OPCML: variants seen among roughly 807,000 people sequenced by gnomAD.
The protein encoded by OPCML is opioid binding protein/cell adhesion molecule like.
Under a neutral mutation model 37.8 loss-of-function variants are expected in OPCML, and 13 were observed. The ratio of observed to expected loss-of-function variants is 0.34; its 90% CI spans 0.22 to 0.55. The LOEUF is 0.55. Among genes scored for constraint, OPCML ranks in the 20% least tolerant of loss-of-function variants. The probability of loss-of-function intolerance (pLI) is 0.91; values close to 1 mark genes in which losing one functional copy is unlikely to be tolerated. For synonymous variants in OPCML, 176 were observed against 168.8 expected (o/e 1.04, Z -0.33); for missense variants, 341 against 435.6 (o/e 0.78, Z 1.93).
At chr11:132,681,426 C>T (rs1489863746) in intron 2 of OPCML, among the ~76,000 whole-genome samples, 1 of 152,120 alleles carries the variant, frequency 6.6e-6, no homozygotes, top group Non-Finnish European at 1.5e-5. Context: ...AGAGAAGCAG[C>T]TTGGCTTCAT....
At chr11:133,471,430 GAGAC>G (rs1319204094) in intron 1 of OPCML, among the ~76,000 whole-genome samples, 6 of 152,188 alleles carry the variant, frequency 3.9e-5, no homozygotes, top group Admixed American at 2.0e-4. Context: ...GTAAGAGGAA[GAGAC>G]AGACAGAGAG....
rs538302791 is a variant in OPCML at position 132,538,877 on chromosome 11, G to T, written c.380-9691C>A. 2.3e-4 allele frequency among the ~76,000 whole-genome samples: 35 copies of T among 152,060 alleles called. No individual in the cohort carries two copies. In the South Asian group the frequency reaches 7.3e-3, roughly 32 times the overall value. On this transcript the variant is annotated intron_variant, in intron 3 of 7. Coordinates refer to ENST00000524381, the MANE Select transcript of OPCML (RefSeq NM_001012393.5). Reference sequence around the variant, plus strand: ...CACTTTTGCATGTGCTGTTCCTTCTGCCCATGTGCCATATTCCCCATTCAT... The same window carrying T: ...CACTTTTGCATGTGCTGTTCCTTCTTCCCATGTGCCATATTCCCCATTCAT...
intron 4 of OPCML, among the ~76,000 whole-genome samples, chr11:132,469,676 G>A (rs1308824956): frequency 3.7e-5 from 5 of 135,842 alleles, no homozygotes; most frequent in African/African-American, 1.5e-4. Flanking sequence ...GTATGTGTGT[G>A]TATATGTGTG....
In OPCML at chr11:133,000,853, G is replaced by A. The variant is rs569190052; in HGVS notation, c.62-57843C>T. 8.5e-5 allele frequency among the ~76,000 whole-genome samples: 13 copies of A among 152,300 alleles called. 1 individual carries two copies. In the Middle Eastern group the frequency reaches 0.01, roughly 120 times the overall value. On this transcript the variant is annotated intron_variant, in intron 1 of 7. Transcript: ENST00000524381. The stretch of plus-strand genomic sequence containing the variant: ...TGTCTCATGGGGGCGAGTTCTTCAC[G>A]AATGATCTGGTGCCATCCTCACAGT...
intron 1 of OPCML, among the ~76,000 whole-genome samples, chr11:133,229,709 C>T (rs192587397): frequency 3.0e-4 from 45 of 152,290 alleles, no homozygotes; most frequent in Admixed American, 2.9e-3. Flanking sequence ...CCGTTGGCAG[C>T]TTCAGGCATC....
intron 2 of OPCML, among the ~76,000 whole-genome samples, chr11:132,876,452 T>C (rs1168766966): frequency 1.3e-5 from 2 of 152,144 alleles, no homozygotes; most frequent in Non-Finnish European, 2.9e-5. Context: ...TGCAAATAAA[T>C]AGCTCTGAAT....
At chr11:132,746,436 G>T (rs943133364) in intron 2 of OPCML, among the ~76,000 whole-genome samples, 2 of 151,958 alleles carry the variant, frequency 1.3e-5, no homozygotes, top group African/African-American at 4.8e-5. Flanking sequence ...CACTCTCATC[G>T]GCGTTTATAC....
intron 1 of OPCML, among the ~76,000 whole-genome samples, chr11:133,201,665 G>C (rs1408142015): frequency 6.6e-6 from 1 of 152,176 alleles, no homozygotes; most frequent in Non-Finnish European, 1.5e-5. Context: ...AGGAGAAAAA[G>C]ATGGGATTTT....
chr11:132,440,856 T>C (rs900011047), intron 4 of OPCML, among the ~76,000 whole-genome samples: 8 of 152,240 alleles, frequency 5.3e-5, no homozygotes, highest in African/African-American at 1.9e-4. Context: ...GCTACTTGCC[T>C]GGAGACCTAG....
chr11:132,610,736 A>C (rs1050960121), intron 3 of OPCML, among the ~76,000 whole-genome samples: 30 of 152,190 alleles, frequency 2.0e-4, no homozygotes, highest in South Asian at 2.1e-4. Flanking sequence ...ATGTTTAATT[A>C]CTTCTCAAAT....
At chr11:132,655,518 G>C (rs1941661197) in intron 3 of OPCML, among the ~76,000 whole-genome samples, 1 of 152,252 alleles carries the variant, frequency 6.6e-6, no homozygotes. Flanking sequence ...GCTGTGGGTG[G>C]ACGTGTATGG....
intron 1 of OPCML, among the ~76,000 whole-genome samples, chr11:133,036,338 C>T (rs1947783601): frequency 6.6e-6 from 1 of 152,182 alleles, no homozygotes; most frequent in African/African-American, 2.4e-5. Flanking sequence ...AGGCACTGCT[C>T]AGCTGCTAAG....
intron 3 of OPCML, among the ~76,000 whole-genome samples, chr11:132,611,943 A>G (rs1591623456): frequency 6.6e-6 from 1 of 152,154 alleles, no homozygotes; most frequent in Admixed American, 6.5e-5. Context: ...TACAGTAGCG[A>G]CCGGAGGAGA....
At chr11:133,050,132 C>T (rs1250009894) in intron 1 of OPCML, among the ~76,000 whole-genome samples, 1 of 152,146 alleles carries the variant, frequency 6.6e-6, no homozygotes, top group Non-Finnish European at 1.5e-5. Flanking sequence ...CTCCTTCTTC[C>T]AATCCTTCCT....
chr11:132,867,360 G>C (rs1334399145), intron 2 of OPCML, among the ~76,000 whole-genome samples: 1 of 152,188 alleles, frequency 6.6e-6, no homozygotes, highest in Non-Finnish European at 1.5e-5. Context: ...AAAGTGCCGA[G>C]AACAAAGGAA....
intron 1 of OPCML, among the ~76,000 whole-genome samples, chr11:133,303,750 G>T (rs1207527872): frequency 1.3e-5 from 2 of 152,020 alleles, no homozygotes; most frequent in African/African-American, 4.8e-5. Flanking sequence ...CTTGAAATGT[G>T]GGGATGATGA....
At chr11:133,096,424 G>C (rs926623552) in intron 1 of OPCML, among the ~76,000 whole-genome samples, 1 of 151,636 alleles carries the variant, frequency 6.6e-6, no homozygotes, top group Non-Finnish European at 1.5e-5. Flanking sequence ...GTAAAATGCT[G>C]AATTAAAAAC....
chr11:133,082,431 C>T (rs1467326931), intron 1 of OPCML, among the ~76,000 whole-genome samples: 1 of 115,382 alleles, frequency 8.7e-6, no homozygotes, highest in Non-Finnish European at 1.9e-5. Flanking sequence ...CCTCCCCCCT[C>T]CCCATCCTTT....
intron 2 of OPCML, among the ~76,000 whole-genome samples, chr11:132,716,226 T>C (rs1005027682): frequency 2.0e-5 from 3 of 152,178 alleles, no homozygotes; most frequent in African/African-American, 4.8e-5. Flanking sequence ...AGCCATGTCC[T>C]TGACCCTGGT....
Sources: allele counts gnomAD v4.1 joint callset (sites outside exome capture counted in the v4.1 genomes callset), GRCh38; gene constraint gnomAD v4.1.1; transcripts MANE v1.5; gene names NCBI Gene and HGNC (gene_info 2026-07-23, HGNC 2026-07-21).